Variants in WASHC5 observed in about 807,000 individuals in gnomAD.
WASHC5 encodes the protein WASH complex subunit strumpellin.
In WASHC5, 101 loss-of-function variants were observed where a neutral mutation model predicts 150.4. The ratio of observed to expected loss-of-function variants is 0.67; its 90% CI spans 0.57 to 0.79. The LOEUF is 0.79. WASHC5 is among the 30% of genes least tolerant of loss of function. WASHC5 has a pLI of 0.00. For missense variants in WASHC5, 1,195 were observed against 1,396.3 expected (o/e 0.86, Z 2.30); for synonymous variants, 467 against 491.2 (o/e 0.95, Z 0.65).
rs762794631 is a variant in WASHC5, at chr8:125,049,039, C to T, written c.2346G>A (p.Val782=). ...TTAGAAAGTTATTACACTCTTGCTC[C>T]ACGTTGTAATTTATGATACGAGATA... ...EEVSRIINYN[V]EQECNNFLRT... Residue 782 remains valine (V), a synonymous_variant, in exon 19 of 29, where the codon GTG becomes GTA. Coordinates refer to ENST00000318410, the MANE Select transcript of WASHC5 (RefSeq NM_014846.4). 1 of 1,613,230 alleles carries T rather than the reference C, an allele frequency of 6.2e-7. No homozygotes were observed. Among genetic ancestry groups the T allele is most frequent in the African/African-American group, 1.3e-5 (1 of 74,854 alleles).
At chr8:125,085,910 T>A (rs570267436) in intron 1 of WASHC5, among the ~76,000 whole-genome samples, 2 of 152,222 alleles carry the variant, frequency 1.3e-5, no homozygotes, top group Non-Finnish European at 2.9e-5. Context: ...TGAGTACCCC[T>A]TCTTGTTCAG....
chr8:125,044,196 G>A, intron 21 of WASHC5, 102 bp from the exon 22 acceptor site: 2 of 827,784 alleles, frequency 2.4e-6, no homozygotes, highest in South Asian at 1.4e-5. Flanking sequence ...CTGGGCCTAA[G>A]TCACACAAAA....
intron 11 of WASHC5, among the ~76,000 whole-genome samples, chr8:125,062,190 G>A (rs1448439587): frequency 6.6e-6 from 1 of 152,156 alleles, no homozygotes; most frequent in Non-Finnish European, 1.5e-5. Context: ...TCTGAGATGA[G>A]TGAGACCCAG....
At chr8:125,071,855 C>T (rs1213067186) in intron 9 of WASHC5, among the ~76,000 whole-genome samples, 1 of 152,206 alleles carries the variant, frequency 6.6e-6, no homozygotes, top group African/African-American at 2.4e-5. Context: ...AAGGTGATGG[C>T]TGCGCTGGGC....
chr8:125,067,704 T>A lies in WASHC5; in HGVS notation c.1166A>T (p.Asn389Ile). ...HTADSACDPNNKRLRQIKDQI... is the reference protein window; with the variant it reads ...HTADSACDPNIKRLRQIKDQI... ...GTCCTTGATTTGACGAAGGCGTTTG[T>A]TGTTTGGGTCACAGGCTAGAAACAG... Residue 389 changes from asparagine (N) to isoleucine (I), a missense_variant, in exon 10 of 29, where the codon AAC becomes ATC. By Grantham distance (149) the Asn-to-Ile change is moderately radical. This residue lies in a region of WASHC5 where 997 missense variants were observed against 1,168.1 expected (regional missense o/e 0.85). Transcript: ENST00000318410. The A allele has an allele frequency of 6.2e-7, 1 of 1,613,894 alleles. No individual in the cohort carries two copies. The highest frequency in any genetic ancestry group is 8.5e-7 in the Non-Finnish European group (1 of 1,179,836).
At position 125,027,564 on chromosome 8, in the gene WASHC5, G is replaced by A. The variant is rs554622810; in HGVS notation, c.3423+1056C>T. Among the ~76,000 whole-genome samples, 4 of 152,332 alleles carry A rather than the reference G, an allele frequency of 2.6e-5. No individual in the cohort carries two copies. In the South Asian group the frequency reaches 6.2e-4, roughly 24 times the overall value. On this transcript the variant is annotated intron_variant, in intron 28 of 28. Transcript: ENST00000318410. ...ATTCCTACTGATATGTGGGAGCTAA[G>A]CTATGAGGACGCAAAGGCATAAGAA... is the stretch of plus-strand genomic sequence containing the variant.
intron 9 of WASHC5, among the ~76,000 whole-genome samples, chr8:125,070,441 C>A (rs1284460621): frequency 6.6e-6 from 1 of 152,222 alleles, no homozygotes; most frequent in East Asian, 1.9e-4. Flanking sequence ...AAGGTTGTCC[C>A]TGGCATGGGT....
chr8:125,066,509 C>T (rs1015065552), intron 10 of WASHC5, among the ~76,000 whole-genome samples: 6 of 152,200 alleles, frequency 3.9e-5, no homozygotes, highest in Non-Finnish European at 5.9e-5. Context: ...CCCATACAGG[C>T]TTCTTCAGAG....
At chr8:125,036,137 C>CA (rs1276856866) in intron 26 of WASHC5, among the ~76,000 whole-genome samples, 3 of 152,158 alleles carry the variant, frequency 2.0e-5, no homozygotes, top group African/African-American at 7.2e-5. Context: ...ATTAAATGTT[C>CA]ATGTATAAAT....
Position 125,078,882 on chromosome 8 carries a change from C to A in WASHC5, c.567G>T (p.Leu189=). 6.2e-7 allele frequency: 1 copy of A among 1,613,890 alleles called. No individual in the cohort carries two copies. Among genetic ancestry groups the A allele is most frequent in the Non-Finnish European group, 8.5e-7 (1 of 1,179,942 alleles). The part of the protein sequence containing the change: ...ADSNMDDICK[L]LRSTGYSSQP... ...GGCTAGAATAACCTGTACTTCGAAGCAGCTTACAAATATCGTCCATATTTG... is the reference window on the plus strand; with the variant it reads ...GGCTAGAATAACCTGTACTTCGAAGAAGCTTACAAATATCGTCCATATTTG... Residue 189 remains leucine (L), a synonymous_variant, in exon 6 of 29, where the codon CTG becomes CTT. Coordinates refer to ENST00000318410, the MANE Select transcript of WASHC5 (RefSeq NM_014846.4).
chr8:125,052,314 C>T (rs1268929782), intron 17 of WASHC5, among the ~76,000 whole-genome samples: 2 of 152,182 alleles, frequency 1.3e-5, no homozygotes, highest in African/African-American at 4.8e-5. Flanking sequence ...ATCCTTCCCG[C>T]ATTCTCACTA....
intron 17 of WASHC5, among the ~76,000 whole-genome samples, chr8:125,050,938 T>G (rs1816221097): frequency 6.6e-6 from 1 of 152,220 alleles, no homozygotes. Context: ...AAGGAAAGTT[T>G]TAAATGGCCT....
At chr8:125,086,302 C>T (rs897212214) in intron 1 of WASHC5, among the ~76,000 whole-genome samples, 64 of 152,142 alleles carry the variant, frequency 4.2e-4, no homozygotes, top group African/African-American at 1.5e-3. Context: ...ATGGCCACCC[C>T]ATTGCTCATT....
intron 16 of WASHC5, 148 bp from the exon 17 acceptor site, chr8:125,055,819 A>G: frequency 1.5e-6 from 1 of 679,408 alleles, no homozygotes. Flanking sequence ...CTGAAAGCCC[A>G]CTGTTAGACA....
Position 125,044,572 on chromosome 8 carries a change from G to A in WASHC5, c.2631C>T (p.Asp877=), listed in dbSNP as rs758409352. 6.8e-6 allele frequency: 11 copies of A among 1,614,178 alleles called. No homozygotes were observed. Among genetic ancestry groups the A allele is most frequent in the South Asian group, 2.2e-5 (2 of 91,086 alleles). Residue 877 remains aspartate, a synonymous_variant, in exon 21 of 29, where the codon GAC becomes GAT. Transcript: ENST00000318410. ...TLGTFGLNGL[D]RLLCFMIVKE... ...TTACAATCATAAAGCACAGAAGCCT[G>A]TCTAAGCCATTTAGACCAAAGGTTC...
At chr8:125,091,584 A>T (rs756886784) in intron 1 of WASHC5, 31 bp downstream of exon 1, 1 of 152,228 alleles carries the variant, frequency 6.6e-6, no homozygotes, top group Admixed American at 6.5e-5. Flanking sequence ...GCCATGCAAA[A>T]ATGGGGCGCG....
chr8:125,046,793 G>A (rs933728143), intron 20 of WASHC5, among the ~76,000 whole-genome samples: 1 of 152,084 alleles, frequency 6.6e-6, no homozygotes, highest in African/African-American at 2.4e-5. Flanking sequence ...AGGGGGGCGG[G>A]GGAGAGATTA....
rs146039512 is a variant in WASHC5 at position 125,044,144 on chromosome 8, A to G, written c.2668-50T>C. The G allele has an allele frequency of 6.4e-5, 79 of 1,241,756 alleles. No individual in the cohort carries two copies. The African/African-American group carries it at 1.0e-3, about 16-fold the overall frequency. The allele number at this position is 1,241,756 out of a possible 1,614,324, so 76.9% of individuals were successfully genotyped here. ...AGAACCAAACATAATGAATTAAACA[A>G]GCAAATTCTCCAGTTACCTAAAATG... is the stretch of plus-strand genomic sequence containing the variant. On this transcript the variant is annotated intron_variant, in intron 21 of 28. Coordinates refer to ENST00000318410, the MANE Select transcript of WASHC5 (RefSeq NM_014846.4).
At chr8:125,031,674 G>A (rs982179487) in intron 27 of WASHC5, among the ~76,000 whole-genome samples, 6 of 152,156 alleles carry the variant, frequency 3.9e-5, no homozygotes, top group African/African-American at 1.4e-4. Context: ...GGAGGCACAG[G>A]ACCCAGCATC....
Sources: gnomAD v4.1 joint callset for allele counts (sites outside exome capture counted in the v4.1 genomes callset) on GRCh38, gnomAD v4.1.1 for gene constraint, gnomAD v4.1.1 regional missense constraint, MANE v1.5 for transcripts, NCBI Gene and HGNC (gene_info 2026-07-23, HGNC 2026-07-21) for gene names.